The following CCDC174 variants were observed in gnomAD, a reference collection of about 807,000 sequenced individuals.
CCDC174 encodes the protein coiled-coil domain-containing protein 174.
Under a neutral mutation model 57.1 loss-of-function variants are expected in CCDC174, and 37 were observed. The ratio of observed to expected loss-of-function variants is 0.65; its 90% CI spans 0.50 to 0.85. The LOEUF (loss-of-function observed/expected upper bound fraction) is 0.85. CCDC174 is among the 40% of genes least tolerant of loss of function. The pLI is 0.00. For synonymous variants in CCDC174, 182 were observed against 190.2 expected (o/e 0.96, Z 0.35); for missense variants, 540 against 574.3 (o/e 0.94, Z 0.61).
intron 3 of CCDC174, 63 bp from the exon 4 acceptor site, chr3:14,658,808 T>G (rs575203036): frequency 2.0e-6 from 3 of 1,495,606 alleles, no homozygotes; most frequent in Admixed American, 3.9e-5. Context: ...GCAGGGAGTG[T>G]GGGGGCAACC....
chr3:14,667,901 GC>G, intron 8 of CCDC174, 147 bp from the exon 9 acceptor site: 1 of 696,798 alleles, frequency 1.4e-6, no homozygotes, highest in Non-Finnish European at 2.4e-6. Flanking sequence ...ACTTCATAGG[GC>G]TTCATTGTGA....
At chr3:14,656,734 T>C (rs1015665809) in intron 3 of CCDC174, among the ~76,000 whole-genome samples, 2 of 152,232 alleles carry the variant, frequency 1.3e-5, no homozygotes, top group African/African-American at 2.4e-5. Flanking sequence ...TTGATAGTTA[T>C]CAGTTATCAC....
At chr3:14,665,238 T>TATTC in intron 6 of CCDC174, 115 bp downstream of exon 6, 1 of 643,538 alleles carries the variant, frequency 1.6e-6, no homozygotes, top group Non-Finnish European at 2.8e-6. Context: ...AGTAAGGAGA[T>TATTC]ATTGATTGAT....
At chr3:14,661,143 A>G (rs967484906) in intron 4 of CCDC174, among the ~76,000 whole-genome samples, 1 of 152,252 alleles carries the variant, frequency 6.6e-6, no homozygotes, top group African/African-American at 2.4e-5. Flanking sequence ...AGACAGATAT[A>G]TAACGCCTAA....
chr3:14,663,490 A>C (rs1449667411), intron 5 of CCDC174, among the ~76,000 whole-genome samples: 1 of 152,166 alleles, frequency 6.6e-6, no homozygotes, highest in Admixed American at 6.5e-5. Context: ...TAAGCGTTTC[A>C]TGGGTGTGTG....
chr3:14,663,099 G>A (rs1291143940), intron 5 of CCDC174, among the ~76,000 whole-genome samples: 1 of 152,152 alleles, frequency 6.6e-6, no homozygotes, highest in Admixed American at 6.5e-5. Context: ...CGTCACCCAG[G>A]TGGGAGTGCA....
chr3:14,657,685 T>A (rs2031001072), intron 3 of CCDC174, among the ~76,000 whole-genome samples: 1 of 152,230 alleles, frequency 6.6e-6, no homozygotes, highest in Admixed American at 6.5e-5. Context: ...ATTCTCTATT[T>A]TGCTCAGCAC....
intron 5 of CCDC174, among the ~76,000 whole-genome samples, chr3:14,664,185 G>GA (rs939840923): frequency 3.3e-5 from 5 of 151,944 alleles, no homozygotes; most frequent in Non-Finnish European, 7.4e-5. Context: ...TGCTTGAGAG[G>GA]AAAAAAAATT....
intron 2 of CCDC174, 54 bp from the exon 3 acceptor site, chr3:14,655,475 G>C (rs2030924823): frequency 5.5e-6 from 6 of 1,100,002 alleles, no homozygotes; most frequent in Non-Finnish European, 8.1e-6. Flanking sequence ...TGCACAAGTA[G>C]AGATTTTTTG....
intron 9 of CCDC174, 67 bp from the exon 10 acceptor site, chr3:14,669,867 G>A: frequency 6.6e-7 from 1 of 1,511,542 alleles, no homozygotes; most frequent in Non-Finnish European, 9.1e-7. Context: ...GGATTAGCAT[G>A]TTCTGTATTT....
chr3:14,658,793 G>A, intron 3 of CCDC174, 78 bp from the exon 4 acceptor site: 1 of 1,438,264 alleles, frequency 7.0e-7, no homozygotes, highest in Non-Finnish European at 9.4e-7. Context: ...GATGGTACCT[G>A]TCAGGCAGGG....
chr3:14,655,710 T>C, intron 3 of CCDC174, 81 bp downstream of exon 3: 2 of 834,710 alleles, frequency 2.4e-6, no homozygotes, highest in South Asian at 3.6e-5. Context: ...TTTGTCCTTT[T>C]TGATTTACAA....
intron 10 of CCDC174, 84 bp from the exon 11 acceptor site, chr3:14,670,812 A>G (rs1399139828): frequency 8.4e-7 from 1 of 1,184,142 alleles, no homozygotes; most frequent in East Asian, 2.6e-5. Flanking sequence ...TTTAAGAAAT[A>G]TATGATACAA....
chr3:14,659,774 A>G (rs2031067925), intron 4 of CCDC174, among the ~76,000 whole-genome samples: 1 of 152,212 alleles, frequency 6.6e-6, no homozygotes, highest in South Asian at 2.1e-4. Context: ...CAACAGTAGA[A>G]GAGATTTTAT....
intron 2 of CCDC174, among the ~76,000 whole-genome samples, 168 bp from the exon 3 acceptor site, chr3:14,655,361 C>T (rs1218208716): frequency 2.0e-5 from 3 of 151,102 alleles, no homozygotes; most frequent in African/African-American, 7.3e-5. Context: ...TTTTTTAGCT[C>T]CTGCTTGCCA....
chr3:14,654,405 T>C (rs776061594), intron 1 of CCDC174, 21 bp from the exon 2 acceptor site: 1 of 1,283,110 alleles, frequency 7.8e-7, no homozygotes, highest in South Asian at 1.3e-5. Flanking sequence ...TATTTTTGTT[T>C]ACTTACTGCT....
intron 10 of CCDC174, among the ~76,000 whole-genome samples, chr3:14,670,652 C>T (rs1362353294): frequency 2.0e-5 from 3 of 152,172 alleles, no homozygotes; most frequent in African/African-American, 7.2e-5. Flanking sequence ...GATAATTTGT[C>T]TGTATTTCTC....
intron 4 of CCDC174, 24 bp from the exon 5 acceptor site, chr3:14,661,506 T>G (rs1357360479): frequency 6.3e-6 from 10 of 1,578,380 alleles, no homozygotes; most frequent in Non-Finnish European, 8.6e-6. Flanking sequence ...TTTTGATGTC[T>G]GAAAACTGAT....
chr3:14,671,386 A>G lies in CCDC174; in HGVS notation c.*192A>G. 1 of 591,974 alleles carries G rather than the reference A, an allele frequency of 1.7e-6. No homozygotes were observed. The highest frequency in any genetic ancestry group is 3.0e-6 in the Non-Finnish European group (1 of 335,762). The allele number at this position is 591,974 out of a possible 1,614,324, so 36.7% of individuals were successfully genotyped here. ...CCACTTGGCTGTTCATTTTATTCTA[A>G]GTGGGATAGGGACATACCTACCTGG... On this transcript the variant is annotated 3_prime_UTR_variant, in exon 11 of 11. Transcript: ENST00000383794.
Sources: gnomAD v4.1 joint callset for allele counts (sites outside exome capture counted in the v4.1 genomes callset) on GRCh38, gnomAD v4.1.1 for gene constraint, MANE v1.5 for transcripts, NCBI Gene and HGNC (gene_info 2026-07-23, HGNC 2026-07-21) for gene names.